Variants in CHD2 observed in about 807,000 individuals in gnomAD.
CHD2 encodes the protein ATP-dependent chromatin remodeler CHD2.
In CHD2, 28 loss-of-function variants were observed where a neutral mutation model predicts 243.9. The observed-to-expected ratio is 0.11, with a 90% CI of 0.09 to 0.16. The LOEUF (loss-of-function observed/expected upper bound fraction) is 0.16. CHD2 is among the 10% of genes least tolerant of loss of function. CHD2 has a pLI of 1.00. For synonymous variants in CHD2, 775 were observed against 779.0 expected, an observed-to-expected ratio of 0.99 and a Z score of 0.09; for missense variants, 1,386 against 2,209.8, an observed-to-expected ratio of 0.63 and a Z score of 7.47.
chr15:92,949,262 TA>T, intron 13 of CHD2, 186 bp downstream of exon 13: 1 of 1,386,326 alleles, frequency 7.2e-7, no homozygotes, highest in Non-Finnish European at 9.4e-7. Context: ...TATGTATGTG[TA>T]ATACCATTTT....
intron 2 of CHD2, among the ~76,000 whole-genome samples, chr15:92,918,141 C>G (rs1406714): frequency 0.57 from 86,425 of 152,036 alleles, 25,195 homozygotes; most frequent in East Asian, 0.86. Context: ...TTTGGGAAAC[C>G]GCGATTAAAA....
intron 21 of CHD2, 21 bp from the exon 22 acceptor site, chr15:92,979,114 T>A: frequency 6.2e-7 from 1 of 1,613,208 alleles, no homozygotes; most frequent in Non-Finnish European, 8.5e-7. Flanking sequence ...GGCATAAGCA[T>A]AACAGTTCCT....
chr15:92,904,385 C>G, intron 2 of CHD2: 8 of 934,230 alleles, frequency 8.6e-6, no homozygotes, highest in Non-Finnish European at 6.4e-6. Flanking sequence ...CGCCCCGTGA[C>G]GTCAGACGGC....
At position 92,939,634 on chromosome 15, in the gene CHD2, A is replaced by T; in HGVS notation, c.608A>T (p.Lys203Ile). 1 of 1,614,182 alleles carries T rather than the reference A, an allele frequency of 6.2e-7. No individual in the cohort carries two copies. The stretch of plus-strand genomic sequence containing the variant: ...CCGAAGACTCAGCGTGGAAAGAGAA[A>T]AAAGCAAGATTCTTCTGATGAGGAT... ...KQPKTQRGKR[K>I]KQDSSDEDDD... Residue 203 changes from lysine (K) to isoleucine (I), a missense_variant, in exon 7 of 39, where the codon AAA becomes ATA. Coordinates refer to ENST00000394196, the MANE Select transcript of CHD2 (RefSeq NM_001271.4).
chr15:92,979,929 TAATATC>T (rs1017564747), intron 22 of CHD2, among the ~76,000 whole-genome samples: 2 of 151,562 alleles, frequency 1.3e-5, no homozygotes, highest in African/African-American at 2.4e-5. Context: ...ATCAAAATAA[TAATATC>T]AATATTATCA....
Position 93,020,141 on chromosome 15 carries a change from G to A in CHD2, c.5036G>A (p.Arg1679Gln), listed in dbSNP as rs373039868. The A allele has an allele frequency of 8.7e-6, 14 of 1,613,906 alleles. No individual in the cohort carries two copies. Among genetic ancestry groups the A allele is most frequent in the African/African-American group, 4.0e-5 (3 of 74,872 alleles). ...AAGGACCACCATTATGGGGACCGGCGACATATGGATGCCCACCGTTCCGGA... is the reference window on the plus strand; with the variant it reads ...AAGGACCACCATTATGGGGACCGGCAACATATGGATGCCCACCGTTCCGGA... ...WYKDHHYGDR[R>Q]HMDAHRSGSY... Residue 1679 changes from arginine (R) to glutamine (Q), a missense_variant, in exon 38 of 39, where the codon CGA becomes CAA. Arg to Gln is a conservative substitution (Grantham distance 43, BLOSUM62 1). Transcript: ENST00000394196.
intron 2 of CHD2, among the ~76,000 whole-genome samples, chr15:92,918,186 A>G (rs984150376): frequency 5.3e-5 from 8 of 152,188 alleles, no homozygotes; most frequent in African/African-American, 1.7e-4. Flanking sequence ...CTTCGTTTCA[A>G]AGTCCAGTTC....
At chr15:92,978,720 T>C (rs1049794002) in intron 21 of CHD2, among the ~76,000 whole-genome samples, 3 of 152,210 alleles carry the variant, frequency 2.0e-5, no homozygotes, top group African/African-American at 4.8e-5. Flanking sequence ...GATGGTTTGT[T>C]TTTATTATAC....
chr15:92,923,295 G>A (rs926863669), intron 2 of CHD2, among the ~76,000 whole-genome samples: 1 of 152,042 alleles, frequency 6.6e-6, no homozygotes, highest in Non-Finnish European at 1.5e-5. Flanking sequence ...GGGTCTCACT[G>A]TGACACCCAG....
chr15:92,979,263 A>T lies in CHD2; in HGVS notation c.2856A>T (p.Glu952Asp), dbSNP rs1388780876. The T allele has an allele frequency of 1.9e-6, 3 of 1,614,038 alleles. No homozygotes were observed. The highest frequency in any genetic ancestry group is 1.7e-5 in the Admixed American group (1 of 60,002). The change falls in exon 22 of 39, where the codon GAA becomes GAT. Residue 952 changes from glutamate (E) to aspartate (D), a missense_variant. Glu to Asp is a conservative substitution (Grantham distance 45, BLOSUM62 2). This residue lies in a region of CHD2 where 99 missense variants were observed against 206.4 expected (regional missense o/e 0.48). Transcript: ENST00000394196. ...ACACCACTGGCCGGACGATCCTGGA[A>T]AACAACTCAGGAAGGTCCAAGTAAG... The part of the protein sequence containing the change: ...RMDTTGRTIL[E>D]NNSGRSNSNP...
chr15:92,957,020 C>G (rs1042454013), intron 16 of CHD2, among the ~76,000 whole-genome samples: 1 of 152,062 alleles, frequency 6.6e-6, no homozygotes, highest in Non-Finnish European at 1.5e-5. Flanking sequence ...ATCTGATAAC[C>G]GAAGCATCAA....
intron 13 of CHD2, among the ~76,000 whole-genome samples, chr15:92,951,951 G>T (rs1489280137): frequency 6.6e-6 from 1 of 152,060 alleles, no homozygotes; most frequent in Non-Finnish European, 1.5e-5. Flanking sequence ...AATCAGTTAG[G>T]TTGCCTTTAA....
intron 24 of CHD2, among the ~76,000 whole-genome samples, chr15:92,983,642 A>G (rs1239213451): frequency 3.3e-5 from 5 of 152,248 alleles, no homozygotes; most frequent in Non-Finnish European, 7.3e-5. Context: ...GTTCTTTGAA[A>G]TGGATACACT....
chr15:92,903,834 G>T (rs1034228328), intron 2 of CHD2, among the ~76,000 whole-genome samples: 1 of 152,166 alleles, frequency 6.6e-6, no homozygotes, highest in African/African-American at 2.4e-5. Flanking sequence ...CAAATCGTCT[G>T]CCTTTGAGCC....
In CHD2 at chr15:92,918,130, A is replaced by G. The variant is rs564857425; in HGVS notation, c.63-6191A>G. Among the ~76,000 whole-genome samples, 39 of 152,316 alleles carry G rather than the reference A, an allele frequency of 2.6e-4. 2 individuals carry two copies. The South Asian group carries it at 6.8e-3, about 27-fold the overall frequency. On this transcript the variant is annotated intron_variant, in intron 2 of 38. Transcript: ENST00000394196. ...GTTGCTGTGCTGCCCTCTTGTGGCCATTTGGGAAACCGCGATTAAAAATGG... is the reference window on the plus strand; with the variant it reads ...GTTGCTGTGCTGCCCTCTTGTGGCCGTTTGGGAAACCGCGATTAAAAATGG...
chr15:92,998,746 G>A lies in CHD2; in HGVS notation c.4008+125G>A, dbSNP rs1010051972. The A allele has an allele frequency of 1.4e-4, 174 of 1,226,748 alleles. No homozygotes were observed. Among genetic ancestry groups the A allele is most frequent in the Non-Finnish European group, 1.8e-4 (155 of 885,440 alleles). 76.0% of individuals were successfully genotyped at this position (1,226,748 alleles called of 1,614,324 possible). ...TGTCACCTTCTCATGGGCATATTTT[G>A]TTTTTGAGGTTCCAGTAATGATGCT... is the stretch of plus-strand genomic sequence containing the variant. On this transcript the variant is annotated intron_variant, in intron 31 of 38. Coordinates refer to ENST00000394196, the MANE Select transcript of CHD2 (RefSeq NM_001271.4). This position sits in a 1 kb window ranked among gnomAD's most constrained non-coding sequence, Gnocchi z 5.1.
chr15:92,914,682 C>A (rs576910503), intron 2 of CHD2, among the ~76,000 whole-genome samples: 13 of 152,262 alleles, frequency 8.5e-5, no homozygotes, highest in Admixed American at 7.2e-4. Context: ...TTTGTGTGCA[C>A]TTTTTCTTAT....
At chr15:92,914,660 T>C (rs1271690267) in intron 2 of CHD2, among the ~76,000 whole-genome samples, 1 of 152,240 alleles carries the variant, frequency 6.6e-6, no homozygotes, top group African/African-American at 2.4e-5. Context: ...CCCTTGAAAT[T>C]ATAAGCAGCA....
chr15:92,982,130 T>C (rs1454849638), intron 24 of CHD2, among the ~76,000 whole-genome samples: 2 of 152,160 alleles, frequency 1.3e-5, no homozygotes, highest in Non-Finnish European at 2.9e-5. Flanking sequence ...TTGAAGGTTC[T>C]CAGGAAGGAA....
Sources: allele counts gnomAD v4.1 joint callset (sites outside exome capture counted in the v4.1 genomes callset), GRCh38; gene constraint gnomAD v4.1.1; regional missense constraint gnomAD v4.1.1; non-coding constraint Gnocchi (gnomAD v3.1); transcripts MANE v1.5; gene names NCBI Gene and HGNC (gene_info 2026-07-23, HGNC 2026-07-21).